The following CDH23 variants were observed in gnomAD, a reference collection of about 807,000 sequenced individuals.
The protein encoded by CDH23 is cadherin related 23.
A neutral mutation model predicts 317.1 loss-of-function variants in CDH23; 189 were observed. The observed-to-expected ratio is 0.60, with a 90% CI of 0.53 to 0.67. The LOEUF (loss-of-function observed/expected upper bound fraction) is 0.67. CDH23 is among the 30% of genes least tolerant of loss of function. The pLI is 0.00. For synonymous variants in CDH23, 1,839 were observed against 1,876.8 expected, an observed-to-expected ratio of 0.98 and a Z score of 0.52; for missense variants, 4,401 against 4,592.4, an observed-to-expected ratio of 0.96 and a Z score of 1.20.
At chr10:71,574,442 G>A (rs1214394036) in intron 8 of CDH23, among the ~76,000 whole-genome samples, 6 of 152,026 alleles carry the variant, frequency 3.9e-5, no homozygotes, top group Non-Finnish European at 7.4e-5. Context: ...GGAATTGACT[G>A]GAATTAAGGA....
rs139120052 is a variant in CDH23 at position 71,480,072 on chromosome 10, G to A, written c.146-30010G>A. On this transcript the variant is annotated intron_variant, in intron 3 of 69. Coordinates refer to ENST00000224721, the MANE Select transcript of CDH23 (RefSeq NM_022124.6). ...CCTCTAGAATCCACCGTGGCACAGG[G>A]AGGAGGGGTGGAGAGAAGCACCTCT... Among the ~76,000 whole-genome samples, 452 of 152,340 alleles carry A rather than the reference G, an allele frequency of 3.0e-3. 4 individuals are homozygous for A. Among genetic ancestry groups the A allele is most frequent in the African/African-American group, 0.01 (426 of 41,572 alleles).
At chr10:71,587,077 C>A (rs1038291081) in intron 9 of CDH23, among the ~76,000 whole-genome samples, 6 of 152,210 alleles carry the variant, frequency 3.9e-5, no homozygotes, top group African/African-American at 1.4e-4. Flanking sequence ...CCCATCATAA[C>A]CCCCAAATGT....
intron 6 of CDH23, among the ~76,000 whole-genome samples, chr10:71,550,418 TGTA>T (rs898445341): frequency 1.4e-4 from 21 of 151,602 alleles, no homozygotes; most frequent in Admixed American, 1.1e-3. Context: ...GTGAGCTAGA[TGTA>T]GTAGTGTGCA....
At chr10:71,617,423 A>T in intron 11 of CDH23, 30 bp downstream of exon 11, 1 of 1,606,596 alleles carries the variant, frequency 6.2e-7, no homozygotes, top group South Asian at 1.1e-5. Context: ...GCCCATGCAG[A>T]CCCACCACCC....
At chr10:71,524,392 G>A (rs939276143) in intron 6 of CDH23, among the ~76,000 whole-genome samples, 2 of 152,216 alleles carry the variant, frequency 1.3e-5, no homozygotes, top group African/African-American at 4.8e-5. Flanking sequence ...CAAGACCCGT[G>A]CTGAAGGTAG....
intron 14 of CDH23, among the ~76,000 whole-genome samples, chr10:71,674,541 C>A (rs1346732466): frequency 6.6e-6 from 1 of 152,182 alleles, no homozygotes; most frequent in East Asian, 1.9e-4. Flanking sequence ...ACATCTAGAC[C>A]TCTGCATGGA....
rs368781470 is a variant in CDH23, at chr10:71,803,317, C to G, written c.7769C>G (p.Pro2590Arg). 1.6e-5 allele frequency: 26 copies of G among 1,591,994 alleles called. No individual in the cohort carries two copies. The highest frequency in any genetic ancestry group is 2.1e-5 in the Non-Finnish European group (25 of 1,169,326). The part of the protein sequence containing the change: ...TVVATDGGEP[P>R]LWGTTMLLVE... ...GTGGCCACAGATGGTGGAGAGCCCC[C>G]ACTCTGGGGCACCACCATGCTCCTG... Residue 2590 changes from proline (P) to arginine (R), a missense_variant, in exon 55 of 70, where the codon CCA (proline) becomes CGA (arginine). By Grantham distance (103) the Pro-to-Arg change is moderately radical. Coordinates refer to ENST00000224721, the MANE Select transcript of CDH23 (RefSeq NM_022124.6).
chr10:71,577,178 G>T (rs1427099345), intron 8 of CDH23, among the ~76,000 whole-genome samples: 1 of 152,138 alleles, frequency 6.6e-6, no homozygotes, highest in Non-Finnish European at 1.5e-5. Flanking sequence ...CTGCTCAGAT[G>T]TTCTTGACTT....
chr10:71,413,289 T>C (rs1422559780), intron 1 of CDH23, among the ~76,000 whole-genome samples: 3 of 152,236 alleles, frequency 2.0e-5, no homozygotes, highest in African/African-American at 7.2e-5. Context: ...ATTGTTTGTT[T>C]ATGTGACAGT....
rs746997971 is a variant in CDH23 at position 71,807,587 on chromosome 10, G to A, written c.8380G>A (p.Glu2794Lys). The A allele has an allele frequency of 1.2e-6, 2 of 1,614,008 alleles. No homozygotes were observed. Among genetic ancestry groups the A allele is most frequent in the South Asian group, 1.1e-5 (1 of 91,084 alleles). ...GCTGGTGCTGCGGGACCTGGACCGG[G>A]AGCGAGAAGCCATCTTCTCCTTCAT... ...CLLVLRDLDREREAIFSFIVK... is the reference protein window; with the variant it reads ...CLLVLRDLDRKREAIFSFIVK... Residue 2794 changes from glutamate to lysine, a missense_variant, in exon 59 of 70, where the codon GAG (glutamate) becomes AAG (lysine). By Grantham distance (56) the Glu-to-Lys change is moderately conservative. Around this residue, in one of 3 missense-constraint regions of CDH23, gnomAD observed 1,144 missense variants for 1,138.2 expected, o/e 1.01. Coordinates refer to ENST00000224721, the MANE Select transcript of CDH23 (RefSeq NM_022124.6).
rs1244897846 is a variant in CDH23, at chr10:71,617,204, G to C, written c.946-1G>C. ...CCGGGGTGACTGATCTCTGTCCATA[G>C]GGCACGGAGCTGAACGATGACCGCA... is the stretch of plus-strand genomic sequence containing the variant. On this transcript the variant is annotated splice_acceptor_variant, in intron 10 of 69. Coordinates refer to ENST00000224721, the MANE Select transcript of CDH23 (RefSeq NM_022124.6). LOFTEE classifies it high-confidence loss of function. 1 of 1,611,604 alleles carries C rather than the reference G, an allele frequency of 6.2e-7. No individual in the cohort carries two copies. The highest frequency in any genetic ancestry group is 1.7e-5 in the Admixed American group (1 of 59,968).
Position 71,793,298 on chromosome 10 carries a change from G to T in CDH23, c.6370G>T (p.Val2124Phe). 1 of 1,614,008 alleles carries T rather than the reference G, an allele frequency of 6.2e-7. No homozygotes were observed. The highest frequency in any genetic ancestry group is 8.5e-7 in the Non-Finnish European group (1 of 1,179,904). The change falls in exon 48 of 70, where the codon GTC becomes TTC. Residue 2124 changes from valine to phenylalanine, a missense_variant. Val to Phe is a conservative substitution (Grantham distance 50). Around this residue, in one of 3 missense-constraint regions of CDH23, gnomAD observed 3,068 missense variants for 3,203.3 expected, o/e 0.96. Transcript: ENST00000224721. Reference protein sequence around the residue: ...DRFLIHLVTGVIRVGNATIDR... With the variant: ...DRFLIHLVTGFIRVGNATIDR... The stretch of plus-strand genomic sequence containing the variant: ...CTTCCTCATTCATCTGGTCACCGGG[G>T]TCATCCGTGTTGGTAATGCCACCAT...
At chr10:71,420,865 C>G (rs1848780083) in intron 1 of CDH23, among the ~76,000 whole-genome samples, 1 of 152,012 alleles carries the variant, frequency 6.6e-6, no homozygotes, top group South Asian at 2.1e-4. Flanking sequence ...CGGCACCACC[C>G]CCATCCGGAA....
At chr10:71,666,044 G>T (rs1863877890) in intron 14 of CDH23, among the ~76,000 whole-genome samples, 1 of 152,198 alleles carries the variant, frequency 6.6e-6, no homozygotes, top group Admixed American at 6.5e-5. Context: ...ATGGAGTGCT[G>T]GCTGTCCAGC....
intron 11 of CDH23, among the ~76,000 whole-genome samples, chr10:71,620,205 G>A (rs902608137): frequency 3.3e-5 from 5 of 152,110 alleles, no homozygotes; most frequent in African/African-American, 1.2e-4. Flanking sequence ...TCTACCCAAT[G>A]ACTATTGGCC....
In CDH23 at chr10:71,751,259, G is replaced by A. The variant is rs140623686; in HGVS notation, c.4845+9338G>A. The A allele has an allele frequency of 1.2e-4, 188 of 1,609,646 alleles. 1 individual carries two copies. Among genetic ancestry groups the A allele is most frequent in the Non-Finnish European group, 1.6e-4 (186 of 1,177,714 alleles). On this transcript the variant is annotated intron_variant, in intron 38 of 69. Coordinates refer to ENST00000224721, the MANE Select transcript of CDH23 (RefSeq NM_022124.6). The surrounding 1 kb of genome is among the most constrained non-coding windows in gnomAD (Gnocchi z 4.9). ...CCACTGTCCCCCAGCTGGGCTAGATGACCTCAAAGTTTGGAGAGTCAGGGA... is the reference window on the plus strand; with the variant it reads ...CCACTGTCCCCCAGCTGGGCTAGATAACCTCAAAGTTTGGAGAGTCAGGGA...
intron 9 of CDH23, among the ~76,000 whole-genome samples, chr10:71,596,843 C>G (rs1859882061): frequency 6.6e-6 from 1 of 152,148 alleles, no homozygotes; most frequent in African/African-American, 2.4e-5. Flanking sequence ...AACTGGCACT[C>G]CACAATGCCC....
rs779425775 is a variant in CDH23, at chr10:71,784,923, C to A, written c.5535C>A (p.Asn1845Lys). The A allele has an allele frequency of 6.2e-7, 1 of 1,614,050 alleles. No homozygotes were observed. Among genetic ancestry groups the A allele is most frequent in the Middle Eastern group, 1.6e-4 (1 of 6,062 alleles). Reference protein sequence around the residue: ...MLVGIRVLDINDNDPVLLNLP... With the variant: ...MLVGIRVLDIKDNDPVLLNLP... ...TGGGGATCCGGGTGCTGGACATCAA[C>A]GACAACGACCCTGTGCTGCTGAACC... The change falls in exon 43 of 70, where the codon AAC becomes AAA. Residue 1845 changes from asparagine to lysine, a missense_variant. Around this residue, in one of 3 missense-constraint regions of CDH23, gnomAD observed 3,068 missense variants for 3,203.3 expected, o/e 0.96. Transcript: ENST00000224721.
chr10:71,455,271 A>C (rs1200514054), intron 3 of CDH23, among the ~76,000 whole-genome samples: 1 of 152,220 alleles, frequency 6.6e-6, no homozygotes. Flanking sequence ...TAACCATGAT[A>C]CAATTATGGA....
Sources: allele counts gnomAD v4.1 joint callset (sites outside exome capture counted in the v4.1 genomes callset), GRCh38; gene constraint gnomAD v4.1.1; regional missense constraint gnomAD v4.1.1; non-coding constraint Gnocchi (gnomAD v3.1); transcripts MANE v1.5; gene names NCBI Gene and HGNC (gene_info 2026-07-23, HGNC 2026-07-21).